AFAP1: variants seen among roughly 807,000 people sequenced by gnomAD.
AFAP1 encodes the protein actin filament associated protein 1, also known as actin filament-associated protein 1.
In AFAP1, 75 loss-of-function variants were observed where a neutral mutation model predicts 93.9. That is an observed-to-expected ratio of 0.80 (90% CI 0.66 to 0.97). AFAP1 has a LOEUF of 0.97. AFAP1 is among the 50% of genes least tolerant of loss of function. The pLI is 0.00. For missense variants in AFAP1, 1,201 were observed against 1,050.8 expected (o/e 1.14, Z -1.98); for synonymous variants, 517 against 430.7 (o/e 1.20, Z -2.48).
At chr4:7,834,103 A>ACG (rs1711979406) in intron 6 of AFAP1, among the ~76,000 whole-genome samples, 1 of 135,518 alleles carries the variant, frequency 7.4e-6, no homozygotes, top group Non-Finnish European at 1.5e-5. Flanking sequence ...ACACACACAC[A>ACG]CACACACACA....
At chr4:7,851,347 G>A (rs1315659823) in intron 4 of AFAP1, among the ~76,000 whole-genome samples, 1 of 152,192 alleles carries the variant, frequency 6.6e-6, no homozygotes, top group East Asian at 1.9e-4. Flanking sequence ...GAAGATGTGA[G>A]CGAGCAAGCA....
Position 7,761,580 on chromosome 4 carries a change from G to A in AFAP1, c.*2185C>T, listed in dbSNP as rs1713808293. 1 of 152,338 alleles carries A rather than the reference G, an allele frequency of 6.6e-6. No homozygotes were observed. Among genetic ancestry groups the A allele is most frequent in the African/African-American group, 2.4e-5 (1 of 41,460 alleles). The allele number at this position is 152,338 out of a possible 1,614,324, so 9.4% of individuals were successfully genotyped here. A position where few individuals can be genotyped will look rare whatever the true frequency, so the allele number is the denominator to read the frequency against. ...CCCACCTGTGCTGGGCCAGGACCGT[G>A]ACTTCAGGCTGGCCATCTCCCCCTT... On this transcript the variant is annotated 3_prime_UTR_variant, in exon 18 of 18. Coordinates refer to ENST00000420658, the MANE Select transcript of AFAP1 (RefSeq NM_001134647.2).
Position 7,761,232 on chromosome 4 carries a change from TCAAGGGAGTATCCGC to T in AFAP1, c.*2518_*2532del. On this transcript the variant is annotated 3_prime_UTR_variant, in exon 18 of 18. Coordinates refer to ENST00000420658, the MANE Select transcript of AFAP1 (RefSeq NM_001134647.2). ...TTAAACTTTGATGGAATGTGAAATT[TCAAGGGAGTATCCGC>T]CATGGAAGGAACCCACTGTCAGGCC... 6.6e-6 allele frequency: 1 copy of T among 152,272 alleles called. No homozygotes were observed. The allele number at this position is 152,272 out of a possible 1,614,324, so 9.4% of individuals were successfully genotyped here.
At chr4:7,882,487 T>G (rs1717908108) in intron 1 of AFAP1, among the ~76,000 whole-genome samples, 1 of 151,832 alleles carries the variant, frequency 6.6e-6, no homozygotes, top group Non-Finnish European at 1.5e-5. Context: ...TTTCCTTACA[T>G]CAGTGCAAAT....
intron 6 of AFAP1, among the ~76,000 whole-genome samples, chr4:7,821,888 C>T (rs1363037407): frequency 1.3e-5 from 2 of 152,136 alleles, no homozygotes; most frequent in Non-Finnish European, 2.9e-5. Flanking sequence ...ACAGTTGAGA[C>T]TACAAAAGAG....
At chr4:7,881,439 T>A (rs745316447) in intron 1 of AFAP1, among the ~76,000 whole-genome samples, 10 of 151,784 alleles carry the variant, frequency 6.6e-5, no homozygotes, top group Non-Finnish European at 1.5e-4. Context: ...GATCATTCTA[T>A]CCCTGCCAAT....
chr4:7,925,168 A>G lies in AFAP1; in HGVS notation c.-3+14488T>C, dbSNP rs529081560. Among the ~76,000 whole-genome samples the G allele has an allele frequency of 2.6e-4, 38 of 148,702 alleles. 2 individuals are homozygous for G. In the East Asian group the frequency reaches 9.1e-3, roughly 36 times the overall value. ...GGGTCGGCCTTCCTTTATTTCCCCCAAAGAATAAGTCTTAAATGAGGGGCT... is the reference window on the plus strand; with the variant it reads ...GGGTCGGCCTTCCTTTATTTCCCCCGAAGAATAAGTCTTAAATGAGGGGCT... On this transcript the variant is annotated intron_variant, in intron 1 of 17. Coordinates refer to ENST00000420658, the MANE Select transcript of AFAP1 (RefSeq NM_001134647.2).
At chr4:7,868,778 C>G in intron 2 of AFAP1, 59 bp from the exon 3 acceptor site, 1 of 1,397,300 alleles carries the variant, frequency 7.2e-7, no homozygotes. Flanking sequence ...AAGGGTACCA[C>G]TAGCATCTAT....
intron 1 of AFAP1, among the ~76,000 whole-genome samples, chr4:7,928,636 T>C (rs1040925415): frequency 6.6e-6 from 1 of 152,228 alleles, no homozygotes; most frequent in Non-Finnish European, 1.5e-5. Context: ...TTCGCCCACC[T>C]TGGCCTCCCA....
At chr4:7,922,711 C>T (rs752560840) in intron 1 of AFAP1, among the ~76,000 whole-genome samples, 6 of 152,294 alleles carry the variant, frequency 3.9e-5, no homozygotes, top group Non-Finnish European at 7.3e-5. Context: ...GGGCCGGGTG[C>T]GGCGGCTCAT....
chr4:7,817,189 G>C (rs763212418), intron 7 of AFAP1, among the ~76,000 whole-genome samples: 1 of 152,238 alleles, frequency 6.6e-6, no homozygotes, highest in Non-Finnish European at 1.5e-5. Flanking sequence ...AAAAGAAAAA[G>C]AGGTCTATCC....
At chr4:7,778,692 G>C (rs1463464459) in intron 14 of AFAP1, 70 bp downstream of exon 14, 1 of 1,477,162 alleles carries the variant, frequency 6.8e-7, no homozygotes, top group East Asian at 2.3e-5. Context: ...CGGGTGGGCA[G>C]GCTCAGACAG....
In AFAP1 at chr4:7,843,191, C is replaced by A; in HGVS notation, c.494G>T (p.Arg165Leu). 1 of 1,614,176 alleles carries A rather than the reference C, an allele frequency of 6.2e-7. No homozygotes were observed. The highest frequency in any genetic ancestry group is 8.5e-7 in the Non-Finnish European group (1 of 1,180,032). Residue 165 changes from arginine to leucine, a missense_variant, in exon 5 of 18, where the codon CGG becomes CTG. By Grantham distance (102) the Arg-to-Leu change is moderately radical. Coordinates refer to ENST00000420658, the MANE Select transcript of AFAP1 (RefSeq NM_001134647.2). ...GAGCAACTTGGTCCACTGGCCGAAC[C>A]GCTTCTTCCGCAGCAGGAAGGCGCA... Reference protein sequence around the residue: ...KICAFLLRKKRFGQWTKLLCV... With the variant: ...KICAFLLRKKLFGQWTKLLCV...
intron 1 of AFAP1, among the ~76,000 whole-genome samples, chr4:7,917,851 G>A (rs1720171909): frequency 6.6e-6 from 1 of 152,178 alleles, no homozygotes; most frequent in African/African-American, 2.4e-5. Context: ...CCCTAGAGGT[G>A]GAAACGCAAC....
chr4:7,900,409 G>A (rs1273281458), intron 1 of AFAP1, among the ~76,000 whole-genome samples: 1 of 101,108 alleles, frequency 9.9e-6, no homozygotes, highest in Non-Finnish European at 2.3e-5. Context: ...CCCACAGCCT[G>A]AAGTTGTATG....
intron 12 of AFAP1, among the ~76,000 whole-genome samples, chr4:7,783,813 G>A (rs1717009431): frequency 6.6e-6 from 1 of 152,232 alleles, no homozygotes; most frequent in South Asian, 2.1e-4. Flanking sequence ...ACAGGTTCGT[G>A]TGTAAGGCGT....
chr4:7,778,625 G>A (rs1716403701), intron 14 of AFAP1, 137 bp downstream of exon 14: 1 of 827,694 alleles, frequency 1.2e-6, no homozygotes. Flanking sequence ...TGGCTGATGA[G>A]GAAGGATGAC....
chr4:7,793,286 A>G (rs1405635230), intron 11 of AFAP1, among the ~76,000 whole-genome samples: 1 of 152,200 alleles, frequency 6.6e-6, no homozygotes, highest in Non-Finnish European at 1.5e-5. Context: ...TTCCCCTAAT[A>G]CAGGGGTCAG....
chr4:7,872,135 G>C, intron 1 of AFAP1, 55 bp from the exon 2 acceptor site: 1 of 1,599,610 alleles, frequency 6.3e-7, no homozygotes, highest in Non-Finnish European at 8.5e-7. Flanking sequence ...AAATGTCAAA[G>C]TATGAATACT....
Sources: allele counts gnomAD v4.1 joint callset (sites outside exome capture counted in the v4.1 genomes callset), GRCh38; gene constraint gnomAD v4.1.1; transcripts MANE v1.5; gene names NCBI Gene and HGNC (gene_info 2026-07-23, HGNC 2026-07-21).